Variants in RPA1 observed in about 807,000 individuals in gnomAD.
The protein encoded by RPA1 is replication protein A 70 kDa DNA-binding subunit.
Under a neutral mutation model 83.0 loss-of-function variants are expected in RPA1, and 49 were observed. That is an observed-to-expected ratio of 0.59 (90% CI 0.47 to 0.75). The LOEUF is 0.75. Among genes scored for constraint, RPA1 ranks in the 30% least tolerant of loss-of-function variants. The probability of loss-of-function intolerance (pLI) is 0.00; values close to 1 mark genes in which losing one functional copy is unlikely to be tolerated. For missense variants in RPA1, 693 were observed against 776.1 expected (o/e 0.89, Z 1.27); for synonymous variants, 279 against 281.8 (o/e 0.99, Z 0.10).
At chr17:1,868,882 G>A (rs752216210) in intron 5 of RPA1, among the ~76,000 whole-genome samples, 84 of 152,144 alleles carry the variant, frequency 5.5e-4, no homozygotes, top group Non-Finnish European at 9.0e-4. Flanking sequence ...TTTTGTCTGC[G>A]TATATAAGTT....
chr17:1,842,383 AT>A (rs1281411888), intron 1 of RPA1, among the ~76,000 whole-genome samples: 4 of 151,986 alleles, frequency 2.6e-5, no homozygotes, highest in African/African-American at 9.7e-5. Context: ...AGCTATATAG[AT>A]TTTCTTTTGT....
rs1193675662 is a variant in RPA1 at position 1,888,549 on chromosome 17, A to T, written c.1375-126A>T. ...ACAGAATGAATGATTCCCTGTGATCATGTGTAATCTTGAGGATGTAGAAAC... is the reference window on the plus strand; with the variant it reads ...ACAGAATGAATGATTCCCTGTGATCTTGTGTAATCTTGAGGATGTAGAAAC... On this transcript the variant is annotated intron_variant, in intron 13 of 16. Coordinates refer to ENST00000254719, the MANE Select transcript of RPA1 (RefSeq NM_002945.5). The T allele has an allele frequency of 3.4e-5, 28 of 823,942 alleles. No homozygotes were observed. The South Asian group carries it at 5.5e-4, about 16-fold the overall frequency. The allele number at this position is 823,942 out of a possible 1,614,324, so 51.0% of individuals were successfully genotyped here. A position where few individuals can be genotyped will look rare whatever the true frequency, so the allele number is the denominator to read the frequency against.
chr17:1,835,509 G>A (rs575473176), intron 1 of RPA1, among the ~76,000 whole-genome samples: 1 of 151,846 alleles, frequency 6.6e-6, no homozygotes, highest in African/African-American at 2.4e-5. Flanking sequence ...TTGGAGCATC[G>A]TCCCCATATA....
At chr17:1,869,659 G>A (rs1442023408) in intron 5 of RPA1, among the ~76,000 whole-genome samples, 1 of 152,204 alleles carries the variant, frequency 6.6e-6, no homozygotes, top group East Asian at 1.9e-4. Context: ...GGTTTGATTT[G>A]CAGGTGACAC....
At chr17:1,854,538 A>C (rs1912616568) in intron 5 of RPA1, among the ~76,000 whole-genome samples, 1 of 152,028 alleles carries the variant, frequency 6.6e-6, no homozygotes, top group Non-Finnish European at 1.5e-5. Flanking sequence ...CCATCTCTGC[A>C]ATAATTTTTT....
chr17:1,874,730 TC>T (rs577418920), intron 6 of RPA1, among the ~76,000 whole-genome samples: 102 of 152,328 alleles, frequency 6.7e-4, no homozygotes, highest in African/African-American at 2.4e-3. Context: ...TGTGTATTGA[TC>T]TCTCTCGACT....
rs17291797 is a variant in RPA1 at position 1,843,020 on chromosome 17, T to C, written c.84+167T>C. Among the ~76,000 whole-genome samples, 16 of 152,218 alleles carry C rather than the reference T, an allele frequency of 1.1e-4. No homozygotes were observed. The South Asian group carries it at 3.1e-3, about 30-fold the overall frequency. Reference sequence around the variant, plus strand: ...AACCCTGAGAGAGCAGCCAGGCTTTTTGAAAATGTTACTACGTGAGCTGCT... The same window carrying C: ...AACCCTGAGAGAGCAGCCAGGCTTTCTGAAAATGTTACTACGTGAGCTGCT... On this transcript the variant is annotated intron_variant, in intron 2 of 16. Coordinates refer to ENST00000254719, the MANE Select transcript of RPA1 (RefSeq NM_002945.5).
Position 1,853,306 on chromosome 17 carries a change from A to T in RPA1, c.361+117A>T, listed in dbSNP as rs909135194. On this transcript the variant is annotated intron_variant, in intron 5 of 16. Transcript: ENST00000254719. ...TGTTAATAAAATGATAGTGATTCTG[A>T]GGTCTAGGAACCAGGCTATTCTGTC... The T allele has an allele frequency of 1.2e-5, 9 of 767,434 alleles. No homozygotes were observed. The African/African-American group carries it at 1.2e-4, about 10-fold the overall frequency. The allele number at this position is 767,434 out of a possible 1,614,324, so 47.5% of individuals were successfully genotyped here. A position where few individuals can be genotyped will look rare whatever the true frequency, so the allele number is the denominator to read the frequency against.
At chr17:1,844,072 A>C in intron 3 of RPA1, 74 bp downstream of exon 3, 1 of 1,366,204 alleles carries the variant, frequency 7.3e-7, no homozygotes, top group Non-Finnish European at 1.0e-6. Context: ...TTTGGTTGCC[A>C]TAATTTGGGG....
rs1037216430 is a variant in RPA1, at chr17:1,868,091, A to G, written c.362-4343A>G. 4.6e-5 allele frequency among the ~76,000 whole-genome samples: 7 copies of G among 151,088 alleles called. No individual in the cohort carries two copies. In the South Asian group the frequency reaches 1.0e-3, roughly 23 times the overall value. ...GGAGCAATACCCTGTCTCAAGGGGG[A>G]AAAAAAAAGAAAATAAACATAGGGC... is the stretch of plus-strand genomic sequence containing the variant. On this transcript the variant is annotated intron_variant, in intron 5 of 16. Coordinates refer to ENST00000254719, the MANE Select transcript of RPA1 (RefSeq NM_002945.5).
intron 1 of RPA1, among the ~76,000 whole-genome samples, chr17:1,831,810 A>C (rs539333458): frequency 4.0e-5 from 6 of 150,770 alleles, no homozygotes; most frequent in African/African-American, 1.5e-4. Flanking sequence ...CGTGTTAGCC[A>C]GGATGGTCTC....
In RPA1 at chr17:1,879,719, C is replaced by T; in HGVS notation, c.1092+20C>T. On this transcript the variant is annotated intron_variant, in intron 11 of 16. Coordinates refer to ENST00000254719, the MANE Select transcript of RPA1 (RefSeq NM_002945.5). Reference sequence around the variant, plus strand: ...GAAGATGTAAGTGCTGGGATGGGGTCTTCAACACGCACAGGACCTCCTGGG... The same window carrying T: ...GAAGATGTAAGTGCTGGGATGGGGTTTTCAACACGCACAGGACCTCCTGGG... The T allele has an allele frequency of 6.2e-7, 1 of 1,613,932 alleles. No homozygotes were observed. Among genetic ancestry groups the T allele is most frequent in the Non-Finnish European group, 8.5e-7 (1 of 1,179,944 alleles).
Position 1,898,777 on chromosome 17 carries a change from G to T in RPA1, c.*1602G>T, listed in dbSNP as rs1308399884. 1 of 152,198 alleles carries T rather than the reference G, an allele frequency of 6.6e-6. No individual in the cohort carries two copies. Among genetic ancestry groups the T allele is most frequent in the Non-Finnish European group, 1.5e-5 (1 of 68,042 alleles). The allele number at this position is 152,198 out of a possible 1,614,324, so 9.4% of individuals were successfully genotyped here. A position where few individuals can be genotyped will look rare whatever the true frequency, so the allele number is the denominator to read the frequency against. On this transcript the variant is annotated 3_prime_UTR_variant, in exon 17 of 17. Transcript: ENST00000254719. ...CTCTAGTCTCAGGAGATGGTAACTG[G>T]GTCGCATTTCAGTCTCTGACTGAGG...
At chr17:1,853,550 GC>G (rs1233027681) in intron 5 of RPA1, among the ~76,000 whole-genome samples, 1 of 152,186 alleles carries the variant, frequency 6.6e-6, no homozygotes, top group Admixed American at 6.5e-5. Flanking sequence ...AGGCATAGAG[GC>G]CTGCGCCTGT....
intron 5 of RPA1, among the ~76,000 whole-genome samples, chr17:1,861,693 C>T (rs1405283968): frequency 1.3e-5 from 2 of 151,736 alleles, no homozygotes; most frequent in African/African-American, 2.4e-5. Context: ...TTATTAACTT[C>T]ACGCTATGGG....
At chr17:1,876,670 A>G (rs1274528418) in intron 7 of RPA1, among the ~76,000 whole-genome samples, 1 of 152,196 alleles carries the variant, frequency 6.6e-6, no homozygotes, top group Non-Finnish European at 1.5e-5. Flanking sequence ...CGTAGGAAAG[A>G]TATTTTTCCC....
At chr17:1,875,339 A>T (rs1241629666) in intron 6 of RPA1, among the ~76,000 whole-genome samples, 1 of 152,236 alleles carries the variant, frequency 6.6e-6, no homozygotes, top group Non-Finnish European at 1.5e-5. Flanking sequence ...TTGAGGCAAG[A>T]GAAGTGTTTA....
At chr17:1,893,312 G>A (rs1475232365) in intron 15 of RPA1, among the ~76,000 whole-genome samples, 2 of 152,226 alleles carry the variant, frequency 1.3e-5, no homozygotes, top group Non-Finnish European at 2.9e-5. Context: ...AGGACATATA[G>A]AAACTTCCCC....
In RPA1 at chr17:1,875,730, A is replaced by T. The variant is rs747420470; in HGVS notation, c.524A>T (p.His175Leu). 2 of 1,614,148 alleles carry T rather than the reference A, an allele frequency of 1.2e-6. No individual in the cohort carries two copies. The highest frequency in any genetic ancestry group is 1.7e-6 in the Non-Finnish European group (2 of 1,180,012). Residue 175 changes from histidine (H) to leucine (L), a missense_variant, in exon 7 of 17, where the codon CAC becomes CTC. By Grantham distance (99) the His-to-Leu change is moderately conservative (BLOSUM62 -3). Transcript: ENST00000254719. ...FGKAAGPSLS[H>L]TSGGTQSKVV... ...AAAGCTGCAGGTCCCAGCCTGTCAC[A>T]CACTTCTGGGGGAACACAGTCCAAA... is the stretch of plus-strand genomic sequence containing the variant.
Sources: gnomAD v4.1 joint callset for allele counts (sites outside exome capture counted in the v4.1 genomes callset) on GRCh38, gnomAD v4.1.1 for gene constraint, MANE v1.5 for transcripts, NCBI Gene and HGNC (gene_info 2026-07-23, HGNC 2026-07-21) for gene names.